Variants in CCDC178 observed in about 807,000 individuals in gnomAD.
CCDC178 encodes the protein coiled-coil domain containing 178.
A neutral mutation model predicts 117.4 loss-of-function variants in CCDC178; 126 were observed. The ratio of observed to expected loss-of-function variants is 1.07; its 90% CI spans 0.93 to 1.24. CCDC178 has a LOEUF of 1.24. Ranked by LOEUF, CCDC178 falls within the 50% of genes most tolerant of loss-of-function variation. The pLI is 0.00. For missense variants in CCDC178, 1,030 were observed against 986.9 expected (o/e 1.04, Z -0.59); for synonymous variants, 283 against 313.4 (o/e 0.90, Z 1.02).
chr18:33,056,796 C>T (rs1363533884), intron 21 of CCDC178, among the ~76,000 whole-genome samples: 8 of 152,118 alleles, frequency 5.3e-5, no homozygotes, highest in Non-Finnish European at 1.2e-4. Context: ...AGCAAATATA[C>T]TTAATCACGT....
chr18:32,939,917 G>A (rs2144582308), intron 22 of CCDC178, among the ~76,000 whole-genome samples: 1 of 152,242 alleles, frequency 6.6e-6, no homozygotes, highest in South Asian at 2.1e-4. Context: ...TTTTGAATTT[G>A]TATGAAAAAT....
intron 14 of CCDC178, among the ~76,000 whole-genome samples, chr18:33,256,197 G>A (rs749809648): frequency 6.6e-6 from 1 of 151,962 alleles, no homozygotes; most frequent in African/African-American, 2.4e-5. Context: ...GGGAACTATT[G>A]AGTGATTTGC....
chr18:33,231,114 A>G (rs908830264), intron 15 of CCDC178, among the ~76,000 whole-genome samples: 1 of 152,238 alleles, frequency 6.6e-6, no homozygotes, highest in Non-Finnish European at 1.5e-5. Context: ...ACATTTCTTG[A>G]CCATAACTTT....
At chr18:32,975,789 A>G (rs1217272464) in intron 21 of CCDC178, among the ~76,000 whole-genome samples, 1 of 152,148 alleles carries the variant, frequency 6.6e-6, no homozygotes, top group Non-Finnish European at 1.5e-5. Context: ...TTTATATTAA[A>G]TACTTCCTCA....
intron 20 of CCDC178, among the ~76,000 whole-genome samples, chr18:33,188,049 G>A (rs1598978447): frequency 6.6e-6 from 1 of 152,158 alleles, no homozygotes; most frequent in East Asian, 1.9e-4. Context: ...AGTGACCTGG[G>A]GAAATATTCC....
At chr18:33,162,702 C>A (rs567774301) in intron 20 of CCDC178, among the ~76,000 whole-genome samples, 2 of 152,268 alleles carry the variant, frequency 1.3e-5, no homozygotes, top group South Asian at 4.1e-4. Context: ...TCTGTTCCTG[C>A]ATTAGTTTGC....
intron 20 of CCDC178, among the ~76,000 whole-genome samples, chr18:33,116,921 A>G (rs553766069): frequency 6.6e-6 from 1 of 150,846 alleles, no homozygotes; most frequent in African/African-American, 2.5e-5. Context: ...CATGAAGAAC[A>G]ATGGTGAAGG....
chr18:32,989,373 T>G (rs2055340824), intron 21 of CCDC178, among the ~76,000 whole-genome samples: 2 of 152,172 alleles, frequency 1.3e-5, no homozygotes, highest in African/African-American at 4.8e-5. Context: ...ATGATCATCT[T>G]ATTGGATGGA....
At chr18:33,260,826 T>C (rs1053819383) in intron 14 of CCDC178, among the ~76,000 whole-genome samples, 10 of 152,170 alleles carry the variant, frequency 6.6e-5, no homozygotes, top group African/African-American at 2.4e-4. Flanking sequence ...ATTTATTCTT[T>C]GCTGCACTAT....
At chr18:33,066,708 A>G (rs1369812855) in intron 21 of CCDC178, among the ~76,000 whole-genome samples, 3 of 152,202 alleles carry the variant, frequency 2.0e-5, no homozygotes, top group Admixed American at 1.3e-4. Context: ...CGCTATACTT[A>G]TATCACATGA....
At position 32,990,328 on chromosome 18, in the gene CCDC178, G is replaced by A. The variant is rs118187757; in HGVS notation, c.2389-15647C>T. 9.3e-4 allele frequency among the ~76,000 whole-genome samples: 142 copies of A among 152,112 alleles called. No homozygotes were observed. The East Asian group carries it at 0.019, about 20-fold the overall frequency. On this transcript the variant is annotated intron_variant, in intron 21 of 22. Transcript: ENST00000383096. ...AAACACTGTATAAGGAAATCAAGTC[G>A]GAGACATTTGCCCTGCGATATATCA...
At chr18:33,004,991 A>G (rs2055718505) in intron 21 of CCDC178, among the ~76,000 whole-genome samples, 1 of 152,118 alleles carries the variant, frequency 6.6e-6, no homozygotes, top group African/African-American at 2.4e-5. Context: ...TATGGAGAAA[A>G]GGGACCCTCT....
At chr18:33,216,505 G>T (rs1014390670) in intron 18 of CCDC178, among the ~76,000 whole-genome samples, 1 of 151,998 alleles carries the variant, frequency 6.6e-6, no homozygotes, top group African/African-American at 2.4e-5. Context: ...CCCACATTCA[G>T]CATGGCTGCT....
At chr18:33,130,828 C>T (rs1489880544) in intron 20 of CCDC178, among the ~76,000 whole-genome samples, 3 of 151,884 alleles carry the variant, frequency 2.0e-5, no homozygotes, top group East Asian at 1.9e-4. Flanking sequence ...CTCTTCAATA[C>T]GTTTTCTAGA....
At chr18:33,007,860 T>C (rs1004209642) in intron 21 of CCDC178, among the ~76,000 whole-genome samples, 5 of 152,102 alleles carry the variant, frequency 3.3e-5, no homozygotes, top group Non-Finnish European at 7.4e-5. Context: ...CTTCCTAATG[T>C]ATGAAAATGG....
intron 21 of CCDC178, among the ~76,000 whole-genome samples, chr18:32,980,959 C>T (rs1419725632): frequency 1.3e-5 from 2 of 152,072 alleles, no homozygotes; most frequent in East Asian, 3.9e-4. Flanking sequence ...TCTAGACTTG[C>T]TATAGTAAAA....
chr18:33,122,810 T>C (rs1477242480), intron 20 of CCDC178, among the ~76,000 whole-genome samples: 1 of 152,168 alleles, frequency 6.6e-6, no homozygotes, highest in African/African-American at 2.4e-5. Context: ...GCTATTTTAA[T>C]ATTGCTTTTA....
intron 10 of CCDC178, among the ~76,000 whole-genome samples, chr18:33,326,323 A>G (rs1365614507): frequency 6.6e-6 from 1 of 152,130 alleles, no homozygotes; most frequent in Non-Finnish European, 1.5e-5. Flanking sequence ...GGATGGGTAC[A>G]TAGTGGTGTG....
intron 11 of CCDC178, among the ~76,000 whole-genome samples, chr18:33,294,137 G>A (rs2062074081): frequency 6.6e-6 from 1 of 152,154 alleles, no homozygotes; most frequent in Non-Finnish European, 1.5e-5. Flanking sequence ...ACCCTCCCAA[G>A]AGGACCAATG....
Sources: gnomAD v4.1 joint callset for allele counts (sites outside exome capture counted in the v4.1 genomes callset) on GRCh38, gnomAD v4.1.1 for gene constraint, MANE v1.5 for transcripts, NCBI Gene and HGNC (gene_info 2026-07-23, HGNC 2026-07-21) for gene names.